Variants in APP observed in about 807,000 individuals in gnomAD.
APP encodes amyloid-beta precursor protein.
APP carries 31 observed loss-of-function variants against 101.4 expected under a neutral mutation model. That is an observed-to-expected ratio of 0.31 (90% CI 0.23 to 0.41). The LOEUF is 0.41. Among genes scored for constraint, APP ranks in the 10% least tolerant of loss-of-function variants. The pLI, the probability that APP is intolerant of heterozygous loss-of-function variation, is 1.00. For missense variants in APP, 839 were observed against 1,003.7 expected (o/e 0.84, Z 2.22); for synonymous variants, 366 against 364.4 (o/e 1.00, Z -0.05).
At chr21:26,150,395 G>C (rs190604712) in intron 1 of APP, among the ~76,000 whole-genome samples, 1 of 152,244 alleles carries the variant, frequency 6.6e-6, no homozygotes, top group East Asian at 1.9e-4. Context: ...TTTATAAAAA[G>C]GGGGTAAAGC....
chr21:26,111,882 A>T, intron 2 of APP, 97 bp downstream of exon 2: 1 of 1,294,514 alleles, frequency 7.7e-7, no homozygotes, highest in Non-Finnish European at 1.1e-6. Flanking sequence ...TTTTTACTGT[A>T]GGGTTAAAAT....
intron 6 of APP, among the ~76,000 whole-genome samples, chr21:26,010,126 C>A (rs369300609): frequency 2.0e-5 from 3 of 151,122 alleles, no homozygotes; most frequent in Non-Finnish European, 4.4e-5. Context: ...CAGCTGGGAA[C>A]AGCAGTGTCT....
intron 16 of APP, among the ~76,000 whole-genome samples, chr21:25,896,298 A>G (rs2038038296): frequency 6.6e-6 from 1 of 152,192 alleles, no homozygotes; most frequent in African/African-American, 2.4e-5. Flanking sequence ...TGCTACAATT[A>G]TTTGGAGTCA....
At chr21:26,126,928 A>C (rs1158913661) in intron 1 of APP, among the ~76,000 whole-genome samples, 1 of 151,890 alleles carries the variant, frequency 6.6e-6, no homozygotes, top group African/African-American at 2.4e-5. Flanking sequence ...TAAAACAATA[A>C]CTATGTAAAC....
intron 4 of APP, among the ~76,000 whole-genome samples, chr21:26,052,045 C>T (rs1480406733): frequency 6.6e-6 from 1 of 152,190 alleles, no homozygotes; most frequent in East Asian, 1.9e-4. Context: ...ACCTCCAAAA[C>T]ACATTTTTAC....
intron 11 of APP, among the ~76,000 whole-genome samples, chr21:25,965,148 A>G (rs73899735): frequency 0.021 from 3,257 of 152,278 alleles, 107 homozygotes; most frequent in African/African-American, 0.073. Flanking sequence ...TTGGACTTGT[A>G]TGTCTTCAAG....
chr21:26,092,674 T>C (rs946849207), intron 2 of APP, among the ~76,000 whole-genome samples: 10 of 152,196 alleles, frequency 6.6e-5, no homozygotes, highest in African/African-American at 1.9e-4. Flanking sequence ...AGGGAAACTA[T>C]GGACTTTGGG....
intron 11 of APP, among the ~76,000 whole-genome samples, chr21:25,966,238 T>C (rs2041792408): frequency 6.6e-6 from 1 of 152,198 alleles, no homozygotes; most frequent in Non-Finnish European, 1.5e-5. Flanking sequence ...CCATTCAGCA[T>C]AGTTTATAAG....
intron 2 of APP, among the ~76,000 whole-genome samples, chr21:26,109,135 G>A (rs2062252894): frequency 6.6e-6 from 1 of 152,128 alleles, no homozygotes; most frequent in South Asian, 2.1e-4. Flanking sequence ...GACAGCAAAG[G>A]GCTAATTCTC....
intron 5 of APP, among the ~76,000 whole-genome samples, chr21:26,027,211 A>G (rs2226331): frequency 0.1 from 15,626 of 152,120 alleles, 1,248 homozygotes; most frequent in East Asian, 0.29. Context: ...CTGAAATGCA[A>G]CCAACCAGGG....
chr21:25,897,451 TA>T, intron 16 of APP, 121 bp downstream of exon 16: 1 of 833,436 alleles, frequency 1.2e-6, no homozygotes, highest in Admixed American at 1.9e-5. Context: ...ATGGTAATCC[TA>T]TAGGCAAGCA....
chr21:25,956,462 T>C (rs1456929786), intron 11 of APP, among the ~76,000 whole-genome samples: 2 of 152,198 alleles, frequency 1.3e-5, no homozygotes, highest in African/African-American at 4.8e-5. Flanking sequence ...TCCATCCTAA[T>C]AAAAACTAAG....
intron 5 of APP, among the ~76,000 whole-genome samples, chr21:26,048,167 A>C (rs2045687847): frequency 6.6e-6 from 1 of 151,982 alleles, no homozygotes. Context: ...GTACAAAAAA[A>C]AAAAAATTAG....
intron 16 of APP, 67 bp from the exon 17 acceptor site, chr21:25,891,935 C>T: frequency 1.4e-6 from 2 of 1,477,974 alleles, no homozygotes; most frequent in South Asian, 2.4e-5. Flanking sequence ...TTTATAAACG[C>T]AATTAGAAGA....
At chr21:25,926,397 T>C (rs1272397537) in intron 13 of APP, among the ~76,000 whole-genome samples, 3 of 152,190 alleles carry the variant, frequency 2.0e-5, no homozygotes, top group African/African-American at 7.2e-5. Context: ...GGTAGGGATG[T>C]TCTGATTAGC....
At chr21:25,942,842 T>G (rs570464176) in intron 13 of APP, among the ~76,000 whole-genome samples, 63 of 152,276 alleles carry the variant, frequency 4.1e-4, no homozygotes, top group Non-Finnish European at 6.5e-4. Context: ...TTAAGTATAT[T>G]TCACGATGCT....
chr21:26,027,835 C>A (rs1311802634), intron 5 of APP, among the ~76,000 whole-genome samples: 1 of 129,400 alleles, frequency 7.7e-6, no homozygotes, highest in Non-Finnish European at 1.6e-5. Flanking sequence ...GGCATAAGCC[C>A]ACCTGGGGCC....
intron 3 of APP, among the ~76,000 whole-genome samples, chr21:26,082,103 C>T (rs2061610381): frequency 1.3e-5 from 2 of 152,100 alleles, no homozygotes; most frequent in Admixed American, 1.3e-4. Context: ...CCAGTAATCC[C>T]AGCTACTCAG....
At chr21:25,901,912 C>G (rs2038516605) in intron 15 of APP, among the ~76,000 whole-genome samples, 1 of 152,082 alleles carries the variant, frequency 6.6e-6, no homozygotes, top group Non-Finnish European at 1.5e-5. Context: ...AGCTTTCTAC[C>G]CTATGTGAAG....
Sources: allele counts gnomAD v4.1 joint callset (sites outside exome capture counted in the v4.1 genomes callset), GRCh38; gene constraint gnomAD v4.1.1; transcripts MANE v1.5; gene names NCBI Gene and HGNC (gene_info 2026-07-23, HGNC 2026-07-21).